LRTM2: variants seen among roughly 807,000 people sequenced by gnomAD.
LRTM2 encodes leucine rich repeat transmembrane protein 2, also known as leucine-rich repeat and transmembrane domain-containing protein 2.
In LRTM2, 18 loss-of-function variants were observed where a neutral mutation model predicts 28.1. The ratio of observed to expected loss-of-function variants is 0.64; its 90% CI spans 0.44 to 0.95. The LOEUF (loss-of-function observed/expected upper bound fraction) is 0.95. LRTM2 is among the 40% of genes least tolerant of loss of function. The pLI, the probability that LRTM2 is intolerant of heterozygous loss-of-function variation, is 0.00. For missense variants in LRTM2, 436 were observed against 497.2 expected (o/e 0.88, Z 1.17); for synonymous variants, 250 against 218.7 (o/e 1.14, Z -1.26).
chr12:1,821,517 C>G (rs1864100017), intron 1 of LRTM2, among the ~76,000 whole-genome samples: 1 of 152,214 alleles, frequency 6.6e-6, no homozygotes, highest in Admixed American at 6.5e-5. Flanking sequence ...ACAGGAGAAC[C>G]AGGCCCGCGA....
Position 1,834,042 on chromosome 12 carries a change from T to C in LRTM2, c.659-225T>C, listed in dbSNP as rs556977003. Among the ~76,000 whole-genome samples, 12 of 152,360 alleles carry C rather than the reference T, an allele frequency of 7.9e-5. No homozygotes were observed. The East Asian group carries it at 2.3e-3, about 29-fold the overall frequency. On this transcript the variant is annotated intron_variant, in intron 4 of 4. Coordinates refer to ENST00000299194, the MANE Select transcript of LRTM2 (RefSeq NM_001039029.3). The surrounding 1 kb of genome is among the most constrained non-coding windows in gnomAD (Gnocchi z 7.6). ...GACAATATCCATTTCACATGGCTTC[T>C]GCGAGGATGAAATGGCACGATATAC... is the stretch of plus-strand genomic sequence containing the variant.
chr12:1,821,995 A>T (rs1011479776), intron 1 of LRTM2: 4 of 151,494 alleles, frequency 2.6e-5, no homozygotes, highest in Non-Finnish European at 5.9e-5. Context: ...GAGGCGGGGG[A>T]AGTCCAGCTG....
chr12:1,822,803 A>G (rs546461242), intron 1 of LRTM2, among the ~76,000 whole-genome samples: 192 of 152,322 alleles, frequency 1.3e-3, no homozygotes, highest in Non-Finnish European at 2.2e-3. Flanking sequence ...CCAGACAGGC[A>G]GCGGTAGGCG....
At position 1,829,260 on chromosome 12, in the gene LRTM2, A is replaced by G. The variant is rs1864509773; in HGVS notation, c.67+1045A>G. Among the ~76,000 whole-genome samples the G allele has an allele frequency of 6.6e-6, 1 of 152,112 alleles. No individual in the cohort carries two copies. The highest frequency in any genetic ancestry group is 1.5e-5 in the Non-Finnish European group (1 of 68,026). ...GGGCGAGCGGCTTCTGGTGATGCAG[A>G]TCCTTTTGAGAGGGAGCTGAATGCG... On this transcript the variant is annotated intron_variant, in intron 3 of 4. Coordinates refer to ENST00000299194, the MANE Select transcript of LRTM2 (RefSeq NM_001039029.3). The surrounding 1 kb of genome is among the most constrained non-coding windows in gnomAD (Gnocchi z 4.2).
At chr12:1,825,473 A>T (rs1864275850) in intron 1 of LRTM2, among the ~76,000 whole-genome samples, 1 of 152,232 alleles carries the variant, frequency 6.6e-6, no homozygotes, top group South Asian at 2.1e-4. Flanking sequence ...TCTAGACCTT[A>T]GTTCCAGGCT....
chr12:1,834,368 G>A lies in LRTM2; in HGVS notation c.760G>A (p.Glu254Lys). ...GATGTTCAACTACTGCTCCCAGCTGGAGGACGAGAATAGCTCAGCTGGGCT... is the reference window on the plus strand; with the variant it reads ...GATGTTCAACTACTGCTCCCAGCTGAAGGACGAGAATAGCTCAGCTGGGCT... ...MEMFNYCSQL[E>K]DENSSAGLDI... Residue 254 changes from glutamate (E) to lysine (K), a missense_variant, in exon 5 of 5, where the codon GAG (glutamate) becomes AAG (lysine). Coordinates refer to ENST00000299194, the MANE Select transcript of LRTM2 (RefSeq NM_001039029.3). This position sits in a 1 kb window ranked among gnomAD's most constrained non-coding sequence, Gnocchi z 7.6. The A allele has an allele frequency of 6.2e-7, 1 of 1,613,160 alleles. No homozygotes were observed. The highest frequency in any genetic ancestry group is 8.5e-7 in the Non-Finnish European group (1 of 1,180,008).
At chr12:1,825,595 C>T (rs554982999) in intron 1 of LRTM2, among the ~76,000 whole-genome samples, 2 of 152,276 alleles carry the variant, frequency 1.3e-5, no homozygotes, top group African/African-American at 4.8e-5. Flanking sequence ...CAGCCAGGTG[C>T]GTGTGTGCAT....
At chr12:1,832,373 T>A (rs531965558) in intron 4 of LRTM2, among the ~76,000 whole-genome samples, 2 of 152,322 alleles carry the variant, frequency 1.3e-5, no homozygotes, top group South Asian at 4.2e-4. Flanking sequence ...GAACGTGGCT[T>A]GAGAGGTGCC....
intron 3 of LRTM2, among the ~76,000 whole-genome samples, chr12:1,830,136 C>A (rs1039373947): frequency 6.6e-6 from 1 of 152,236 alleles, no homozygotes; most frequent in African/African-American, 2.4e-5. Flanking sequence ...GGAACAGAAG[C>A]CCAGGCTGAG....
Position 1,828,138 on chromosome 12 carries a change from T to G in LRTM2, c.-11T>G. 6.5e-7 allele frequency: 1 copy of G among 1,535,742 alleles called. No individual in the cohort carries two copies. The highest frequency in any genetic ancestry group is 8.8e-7 in the Non-Finnish European group (1 of 1,139,780). ...CAGAGCGACAGGGCCCGGAGAGCCG[T>G]GGGCCTCACCATGCTGGCGCCGGGC... On this transcript the variant is annotated 5_prime_UTR_variant, in exon 3 of 5. Coordinates refer to ENST00000299194, the MANE Select transcript of LRTM2 (RefSeq NM_001039029.3). This position sits in a 1 kb window ranked among gnomAD's most constrained non-coding sequence, Gnocchi z 4.2.
rs1264158751 is a variant in LRTM2, at chr12:1,828,123, G to A, written c.-26G>A. Reference sequence around the variant, plus strand: ...GGGCTCCTCTCTCCCCAGAGCGACAGGGCCCGGAGAGCCGTGGGCCTCACC... The same window carrying A: ...GGGCTCCTCTCTCCCCAGAGCGACAAGGCCCGGAGAGCCGTGGGCCTCACC... On this transcript the variant is annotated 5_prime_UTR_variant, in exon 3 of 5. Coordinates refer to ENST00000299194, the MANE Select transcript of LRTM2 (RefSeq NM_001039029.3). This position sits in a 1 kb window ranked among gnomAD's most constrained non-coding sequence, Gnocchi z 4.2. 3 of 1,513,722 alleles carry A rather than the reference G, an allele frequency of 2.0e-6. No individual in the cohort carries two copies. The highest frequency in any genetic ancestry group is 1.3e-5 in the South Asian group (1 of 79,764). The allele number at this position is 1,513,722 out of a possible 1,614,324, so 93.8% of individuals were successfully genotyped here. A position where few individuals can be genotyped will look rare whatever the true frequency, so the allele number is the denominator to read the frequency against.
Position 1,820,662 on chromosome 12 carries a change from GCCGCTGCTC to G in LRTM2, c.-404_-396del, listed in dbSNP as rs1347992634. The stretch of plus-strand genomic sequence containing the variant: ...TCCTGGTGCTGTGTGCTGCGTGCCA[GCCGCTGCTC>G]CCGCTGAGTGGAGACTCTGGCACCA... On this transcript the variant is annotated 5_prime_UTR_variant, in exon 1 of 5. Coordinates refer to ENST00000299194, the MANE Select transcript of LRTM2 (RefSeq NM_001039029.3). This position sits in a 1 kb window ranked among gnomAD's most constrained non-coding sequence, Gnocchi z 6.0. The G allele has an allele frequency of 6.6e-6, 1 of 152,366 alleles. No individual in the cohort carries two copies. The highest frequency in any genetic ancestry group is 2.4e-5 in the African/African-American group (1 of 41,462). 9.4% of individuals were successfully genotyped at this position (152,366 alleles called of 1,614,324 possible). A position where few individuals can be genotyped will look rare whatever the true frequency, so the allele number is the denominator to read the frequency against.
At chr12:1,831,860 A>T (rs1253695385) in intron 4 of LRTM2, among the ~76,000 whole-genome samples, 1 of 151,872 alleles carries the variant, frequency 6.6e-6, no homozygotes, top group Non-Finnish European at 1.5e-5. Context: ...GGCAGTAAAG[A>T]CACCTGGGCT....
chr12:1,834,136 G>A lies in LRTM2; in HGVS notation c.659-131G>A, dbSNP rs1447227143. 1 of 1,044,012 alleles carries A rather than the reference G, an allele frequency of 9.6e-7. No homozygotes were observed. The highest frequency in any genetic ancestry group is 1.3e-6 in the Non-Finnish European group (1 of 750,342). 64.7% of individuals were successfully genotyped at this position (1,044,012 alleles called of 1,614,324 possible). A position where few individuals can be genotyped will look rare whatever the true frequency, so the allele number is the denominator to read the frequency against. On this transcript the variant is annotated intron_variant, in intron 4 of 4. Coordinates refer to ENST00000299194, the MANE Select transcript of LRTM2 (RefSeq NM_001039029.3). The surrounding 1 kb of genome is among the most constrained non-coding windows in gnomAD (Gnocchi z 7.6). ...CTCCGCTTCCTCTTCTATAGATGGT[G>A]ATTCCAGGATTGACTACATTGCTGA...
intron 1 of LRTM2, among the ~76,000 whole-genome samples, chr12:1,821,547 G>A (rs1864102192): frequency 6.6e-6 from 1 of 152,078 alleles, no homozygotes; most frequent in Non-Finnish European, 1.5e-5. Context: ...GGGGTGTCCC[G>A]CAGCTGTGCA....
At chr12:1,826,798 G>A (rs1244269387) in intron 1 of LRTM2, among the ~76,000 whole-genome samples, 1 of 152,212 alleles carries the variant, frequency 6.6e-6, no homozygotes, top group African/African-American at 2.4e-5. Context: ...GACCAGAGGG[G>A]AGAAGATGGG....
Position 1,828,299 on chromosome 12 carries a change from A to G in LRTM2, c.67+84A>G. 8.3e-7 allele frequency: 1 copy of G among 1,209,448 alleles called. No individual in the cohort carries two copies. Among genetic ancestry groups the G allele is most frequent in the South Asian group, 1.6e-5 (1 of 63,798 alleles). 74.9% of individuals were successfully genotyped at this position (1,209,448 alleles called of 1,614,324 possible). A position where few individuals can be genotyped will look rare whatever the true frequency, so the allele number is the denominator to read the frequency against. ...TGTAGGTAGCGCCATATGGGACCTT[A>G]GCCACACTCAGGCTGCAGGGAGGCC... On this transcript the variant is annotated intron_variant, in intron 3 of 4. Coordinates refer to ENST00000299194, the MANE Select transcript of LRTM2 (RefSeq NM_001039029.3). The surrounding 1 kb of genome is among the most constrained non-coding windows in gnomAD (Gnocchi z 4.2).
chr12:1,828,790 G>A lies in LRTM2; in HGVS notation c.67+575G>A, dbSNP rs532554695. 1.3e-4 allele frequency among the ~76,000 whole-genome samples: 20 copies of A among 152,296 alleles called. No homozygotes were observed. The highest frequency in any genetic ancestry group is 4.3e-4 in the African/African-American group (18 of 41,558). On this transcript the variant is annotated intron_variant, in intron 3 of 4. Transcript: ENST00000299194. This position sits in a 1 kb window ranked among gnomAD's most constrained non-coding sequence, Gnocchi z 4.2. Reference sequence around the variant, plus strand: ...GTGGGTCCAACCCCTCCTGCATATAGGCAGACTGAGCCGTCCATTTACCAA... The same window carrying A: ...GTGGGTCCAACCCCTCCTGCATATAAGCAGACTGAGCCGTCCATTTACCAA...
Position 1,831,251 on chromosome 12 carries a change from C to T in LRTM2, c.384C>T (p.Ile128=). The change falls in exon 4 of 5, where the codon ATC becomes ATT. Residue 128 remains isoleucine (I), a synonymous_variant. Coordinates refer to ENST00000299194, the MANE Select transcript of LRTM2 (RefSeq NM_001039029.3). ...LTELQLRNNS[I]RTLDRDLLRH... is the part of the protein sequence containing the mutation. ...AGCTTCAGCTGCGCAATAACAGCAT[C>T]AGGACCCTGGACAGGGACCTGCTGC... 2 of 1,613,836 alleles carry T rather than the reference C, an allele frequency of 1.2e-6. No individual in the cohort carries two copies. The highest frequency in any genetic ancestry group is 8.5e-7 in the Non-Finnish European group (1 of 1,180,034).
Sources: allele counts gnomAD v4.1 joint callset (sites outside exome capture counted in the v4.1 genomes callset), GRCh38; gene constraint gnomAD v4.1.1; non-coding constraint Gnocchi (gnomAD v3.1); transcripts MANE v1.5; gene names NCBI Gene and HGNC (gene_info 2026-07-23, HGNC 2026-07-21).